Variants in TENM4 observed in about 807,000 individuals in gnomAD.
TENM4 encodes teneurin-4.
Under a neutral mutation model 243.3 loss-of-function variants are expected in TENM4, and 82 were observed. That is an observed-to-expected ratio of 0.34 (90% CI 0.28 to 0.40). The LOEUF (loss-of-function observed/expected upper bound fraction) is 0.40, where lower values mean the gene tolerates loss of function less well. TENM4 is among the 10% of genes least tolerant of loss of function. The probability of loss-of-function intolerance (pLI) is 1.00; values close to 1 mark genes in which losing one functional copy is unlikely to be tolerated. For synonymous variants in TENM4, 1,412 were observed against 1,456.3 expected, an observed-to-expected ratio of 0.97 and a Z score of 0.69; for missense variants, 3,138 against 3,673.3, an observed-to-expected ratio of 0.85 and a Z score of 3.77.
At chr11:79,268,173 A>C (rs1204941615) in intron 2 of TENM4, among the ~76,000 whole-genome samples, 1 of 152,220 alleles carries the variant, frequency 6.6e-6, no homozygotes, top group Non-Finnish European at 1.5e-5. Flanking sequence ...CTGGAGTACT[A>C]CAGGAGTCAA....
chr11:79,420,837 C>A (rs1052906461), intron 1 of TENM4, among the ~76,000 whole-genome samples: 4 of 152,152 alleles, frequency 2.6e-5, no homozygotes, highest in Non-Finnish European at 5.9e-5. Context: ...AGCAGTCACT[C>A]CAGAGTCAGA....
chr11:79,100,323 A>G (rs1591283024), intron 4 of TENM4, among the ~76,000 whole-genome samples: 1 of 152,096 alleles, frequency 6.6e-6, no homozygotes, highest in East Asian at 1.9e-4. Flanking sequence ...AGGTGTGAGT[A>G]CCCAAAGCTC....
chr11:79,109,765 G>A (rs537070937), intron 4 of TENM4, among the ~76,000 whole-genome samples: 1 of 152,330 alleles, frequency 6.6e-6, no homozygotes, highest in Admixed American at 6.5e-5. Flanking sequence ...TAAAGACAGT[G>A]GACAATGGAA....
chr11:78,666,435 C>T (rs1387264374), intron 32 of TENM4, among the ~76,000 whole-genome samples: 2 of 152,182 alleles, frequency 1.3e-5, no homozygotes, highest in Non-Finnish European at 2.9e-5. Flanking sequence ...TTGAGAAAAG[C>T]TGCCTTGGAC....
At chr11:78,983,090 G>A (rs917807142) in intron 6 of TENM4, among the ~76,000 whole-genome samples, 1 of 152,194 alleles carries the variant, frequency 6.6e-6, no homozygotes, top group East Asian at 1.9e-4. Flanking sequence ...TGAAGGCTCA[G>A]TTCAAATGCC....
At chr11:78,702,561 CT>C (rs1221726889) in intron 27 of TENM4, among the ~76,000 whole-genome samples, 158 bp from the exon 28 acceptor site, 1 of 152,194 alleles carries the variant, frequency 6.6e-6, no homozygotes, top group Non-Finnish European at 1.5e-5. Context: ...CGTCAGCCCC[CT>C]GATCACCGGG....
intron 4 of TENM4, among the ~76,000 whole-genome samples, chr11:79,087,023 T>G (rs1440407051): frequency 1.3e-5 from 2 of 152,178 alleles, no homozygotes; most frequent in African/African-American, 4.8e-5. Context: ...TGCTCTAAGC[T>G]CTACAGAGTT....
intron 6 of TENM4, among the ~76,000 whole-genome samples, chr11:79,004,491 A>G (rs1316696082): frequency 6.6e-6 from 1 of 152,242 alleles, no homozygotes; most frequent in Non-Finnish European, 1.5e-5. Context: ...ACATGGAATT[A>G]AATGGAAATT....
At chr11:78,844,368 G>A (rs1304017238) in intron 12 of TENM4, among the ~76,000 whole-genome samples, 1 of 152,200 alleles carries the variant, frequency 6.6e-6, no homozygotes, top group African/African-American at 2.4e-5. Context: ...AAAAGGCCGG[G>A]TGCGGTGGCT....
At chr11:79,189,264 C>T (rs1863434306) in intron 3 of TENM4, among the ~76,000 whole-genome samples, 1 of 152,170 alleles carries the variant, frequency 6.6e-6, no homozygotes. Flanking sequence ...TGTAAACCCT[C>T]AGCATTTAGT....
chr11:78,975,451 T>G (rs952859726), intron 6 of TENM4, among the ~76,000 whole-genome samples: 1 of 152,110 alleles, frequency 6.6e-6, no homozygotes, highest in Non-Finnish European at 1.5e-5. Context: ...CTGAAATTTA[T>G]GGCAGACCTT....
intron 3 of TENM4, among the ~76,000 whole-genome samples, chr11:79,189,048 A>G (rs1303766282): frequency 1.3e-5 from 2 of 152,192 alleles, no homozygotes; most frequent in African/African-American, 4.8e-5. Flanking sequence ...TTTCTTGTTG[A>G]ATTTTAGGGA....
intron 1 of TENM4, among the ~76,000 whole-genome samples, chr11:79,309,069 G>C (rs189917641): frequency 5.3e-5 from 8 of 152,166 alleles, no homozygotes; most frequent in Admixed American, 5.2e-4. Flanking sequence ...GTAAACTCTA[G>C]AACTCATGCC....
chr11:78,919,037 G>C (rs1856386660), intron 6 of TENM4, among the ~76,000 whole-genome samples: 1 of 152,050 alleles, frequency 6.6e-6, no homozygotes, highest in South Asian at 2.1e-4. Context: ...GAGAGAAAGT[G>C]AGTTTCCTAT....
intron 1 of TENM4, among the ~76,000 whole-genome samples, chr11:79,392,343 C>T (rs1012403495): frequency 6.6e-6 from 1 of 152,202 alleles, no homozygotes; most frequent in African/African-American, 2.4e-5. Context: ...GGAAATGGAA[C>T]AGTTACTTCA....
intron 6 of TENM4, among the ~76,000 whole-genome samples, chr11:78,988,459 A>G (rs1025480185): frequency 4.6e-5 from 7 of 152,248 alleles, no homozygotes; most frequent in African/African-American, 1.7e-4. Context: ...GCAATTTGTT[A>G]TGTAGCAATT....
intron 6 of TENM4, among the ~76,000 whole-genome samples, chr11:78,977,549 T>A (rs1857689543): frequency 6.6e-6 from 1 of 152,202 alleles, no homozygotes; most frequent in Non-Finnish European, 1.5e-5. Context: ...TAGACTACCT[T>A]GTCTAGCCTA....
At chr11:79,328,469 G>C (rs375577317) in intron 1 of TENM4, among the ~76,000 whole-genome samples, 282 of 152,294 alleles carry the variant, frequency 1.9e-3, no homozygotes, top group African/African-American at 6.5e-3. Flanking sequence ...CCAGCTGACT[G>C]CAAGAAAGCC....
intron 9 of TENM4, among the ~76,000 whole-genome samples, chr11:78,879,479 G>C (rs188338236): frequency 1.4e-4 from 19 of 133,920 alleles, no homozygotes; most frequent in African/African-American, 5.5e-4. Flanking sequence ...CCGTCTGGGA[G>C]GTGAGGAGCG....
Sources: allele counts gnomAD v4.1 joint callset (sites outside exome capture counted in the v4.1 genomes callset), GRCh38; gene constraint gnomAD v4.1.1; transcripts MANE v1.5; gene names NCBI Gene and HGNC (gene_info 2026-07-23, HGNC 2026-07-21).